Variants in PLXNA4 observed in about 807,000 individuals in gnomAD.
The protein encoded by PLXNA4 is plexin-A4.
In PLXNA4, 44 loss-of-function variants were observed where a neutral mutation model predicts 191.8. The ratio of observed to expected loss-of-function variants is 0.23; its 90% CI spans 0.18 to 0.29. The LOEUF is 0.29. PLXNA4 is among the 10% of genes least tolerant of loss of function. The probability of loss-of-function intolerance (pLI) is 1.00; values close to 1 mark genes in which losing one functional copy is unlikely to be tolerated. For missense variants in PLXNA4, 1,800 were observed against 2,488.8 expected (o/e 0.72, Z 5.89); for synonymous variants, 1,082 against 1,009.5 (o/e 1.07, Z -1.36).
chr7:132,611,172 G>A (rs1043111483), intron 2 of PLXNA4, among the ~76,000 whole-genome samples: 1 of 152,212 alleles, frequency 6.6e-6, no homozygotes, highest in Non-Finnish European at 1.5e-5. Context: ...TAGCAACACT[G>A]AAATGTCTAA....
chr7:132,183,224 G>GCGCACACACGCA (rs1562905093), intron 16 of PLXNA4, among the ~76,000 whole-genome samples: 2 of 152,194 alleles, frequency 1.3e-5, no homozygotes, highest in Non-Finnish European at 2.9e-5. Flanking sequence ...ACGCATGTGC[G>GCGCACACACGCA]TGCACACACA....
intron 12 of PLXNA4, among the ~76,000 whole-genome samples, chr7:132,199,300 C>T (rs1365240856): frequency 6.6e-6 from 1 of 152,198 alleles, no homozygotes; most frequent in African/African-American, 2.4e-5. Context: ...TACAACTGTC[C>T]AAACATCTTT....
chr7:132,156,557 T>A (rs769874980), intron 25 of PLXNA4, among the ~76,000 whole-genome samples: 12 of 152,204 alleles, frequency 7.9e-5, no homozygotes, highest in Non-Finnish European at 1.6e-4. Flanking sequence ...CAGCCTTTGC[T>A]GGATGCTCTC....
intron 3 of PLXNA4, among the ~76,000 whole-genome samples, chr7:132,487,849 G>T (rs769834007): frequency 7.2e-5 from 11 of 152,200 alleles, no homozygotes; most frequent in African/African-American, 2.7e-4. Flanking sequence ...AAATCACGAG[G>T]AGTCTGAGGC....
chr7:132,608,749 G>A (rs936564399), intron 2 of PLXNA4, among the ~76,000 whole-genome samples: 20 of 151,974 alleles, frequency 1.3e-4, no homozygotes, highest in African/African-American at 4.1e-4. Flanking sequence ...CTTGCCTCTC[G>A]TGGTCCATTC....
At chr7:132,474,419 G>A (rs532292370) in intron 3 of PLXNA4, among the ~76,000 whole-genome samples, 30 of 152,214 alleles carry the variant, frequency 2.0e-4, no homozygotes, top group South Asian at 4.1e-4. Flanking sequence ...GCCTGCAGGA[G>A]GTAGTAGGAG....
At chr7:132,324,586 C>T (rs1802291344) in intron 3 of PLXNA4, among the ~76,000 whole-genome samples, 1 of 152,096 alleles carries the variant, frequency 6.6e-6, no homozygotes, top group Non-Finnish European at 1.5e-5. Flanking sequence ...AACTGAGATA[C>T]CCAAGATTTA....
intron 3 of PLXNA4, among the ~76,000 whole-genome samples, chr7:132,436,620 T>C (rs1412923437): frequency 6.6e-6 from 1 of 152,192 alleles, no homozygotes; most frequent in Non-Finnish European, 1.5e-5. Context: ...AAAGTCCCTA[T>C]GCATACCCCT....
intron 3 of PLXNA4, among the ~76,000 whole-genome samples, chr7:132,367,062 T>C (rs1266878656): frequency 6.6e-6 from 1 of 152,204 alleles, no homozygotes; most frequent in East Asian, 1.9e-4. Context: ...TGAGCCACTG[T>C]ACCTAGCTGG....
chr7:132,384,837 T>C, intron 3 of PLXNA4: 1 of 1,156,656 alleles, frequency 8.6e-7, no homozygotes, highest in Non-Finnish European at 1.1e-6. Flanking sequence ...AGCATAAGGT[T>C]ATCCTACCAT....
rs77617480 is a variant in PLXNA4 at position 132,504,778 on chromosome 7, G to A, written c.1188+2728C>T. 6.1e-3 allele frequency among the ~76,000 whole-genome samples: 925 copies of A among 152,298 alleles called. 9 individuals are homozygous for A. Among genetic ancestry groups the A allele is most frequent in the African/African-American group, 0.022 (904 of 41,542 alleles). On this transcript the variant is annotated intron_variant, in intron 2 of 31. Coordinates refer to ENST00000321063, the MANE Select transcript of PLXNA4 (RefSeq NM_020911.2). ...GACTCCGTGACAAGAGAGATCTCCAGAGTTCATCTTGTTCATCCTCCACCT... is the reference window on the plus strand; with the variant it reads ...GACTCCGTGACAAGAGAGATCTCCAAAGTTCATCTTGTTCATCCTCCACCT...
At chr7:132,341,974 G>C (rs925042270) in intron 3 of PLXNA4, among the ~76,000 whole-genome samples, 1 of 151,776 alleles carries the variant, frequency 6.6e-6, no homozygotes, top group Non-Finnish European at 1.5e-5. Context: ...ACATGCTTTT[G>C]GGTGACACCA....
At chr7:132,348,451 C>T (rs192746708) in intron 3 of PLXNA4, among the ~76,000 whole-genome samples, 14 of 152,292 alleles carry the variant, frequency 9.2e-5, no homozygotes, top group Admixed American at 2.0e-4. Context: ...AAGGTTAGTC[C>T]GTCCTCACTC....
intron 1 of PLXNA4, among the ~76,000 whole-genome samples, chr7:132,540,230 C>T (rs536486292): frequency 4.6e-5 from 7 of 152,258 alleles, no homozygotes; most frequent in East Asian, 3.9e-4. Flanking sequence ...CTAGAGAATA[C>T]GCTAAACAAT....
At chr7:132,309,512 G>A (rs1479106859) in intron 3 of PLXNA4, among the ~76,000 whole-genome samples, 3 of 152,086 alleles carry the variant, frequency 2.0e-5, no homozygotes, top group African/African-American at 7.2e-5. Context: ...CCCCACACAT[G>A]GGGAGGCTAC....
At chr7:132,164,384 C>G (rs755354638) in intron 23 of PLXNA4, 96 bp from the exon 24 acceptor site, 65 of 1,514,554 alleles carry the variant, frequency 4.3e-5, no homozygotes, top group Non-Finnish European at 5.5e-5. Context: ...CATCCCCTGC[C>G]AAGTCCCTGC....
chr7:132,414,861 T>A lies in PLXNA4; in HGVS notation c.1371+74431A>T, dbSNP rs1427513494. On this transcript the variant is annotated intron_variant, in intron 3 of 31. Transcript: ENST00000321063. ...CCTCATGGAACCCGCAATCCCTATATTGATAAGAATGCCAAAGGATCCATT... is the reference window on the plus strand; with the variant it reads ...CCTCATGGAACCCGCAATCCCTATAATGATAAGAATGCCAAAGGATCCATT... Among the ~76,000 whole-genome samples the A allele has an allele frequency of 2.0e-5, 3 of 152,190 alleles. No homozygotes were observed. The East Asian group carries it at 5.8e-4, about 29-fold the overall frequency.
rs534428031 is a variant in PLXNA4 at position 132,615,185 on chromosome 7, T to A, written c.-87+30743A>T. 9.2e-5 allele frequency among the ~76,000 whole-genome samples: 14 copies of A among 152,082 alleles called. No individual in the cohort carries two copies. In the South Asian group the frequency reaches 2.5e-3, roughly 27 times the overall value. ...GGGAGGAATCTGGGAGAGCTGAGAT[T>A]CTAGGGCTTTGGTTACCGGTGGAGC... On this transcript the variant is annotated intron_variant, in intron 2 of 4. Coordinates refer to the PLXNA4 transcript ENST00000378539.
intron 2 of PLXNA4, among the ~76,000 whole-genome samples, chr7:132,505,038 T>C (rs1335325806): frequency 6.6e-6 from 1 of 152,250 alleles, no homozygotes; most frequent in African/African-American, 2.4e-5. Context: ...AACACCAGCC[T>C]GGCCTTTTTC....
Sources: gnomAD v4.1 joint callset for allele counts (sites outside exome capture counted in the v4.1 genomes callset) on GRCh38, gnomAD v4.1.1 for gene constraint, MANE v1.5 for transcripts, NCBI Gene and HGNC (gene_info 2026-07-23, HGNC 2026-07-21) for gene names.